Variants in MFSD11 observed in about 807,000 individuals in gnomAD.
The protein encoded by MFSD11 is major facilitator superfamily domain containing 11.
Under a neutral mutation model 53.5 loss-of-function variants are expected in MFSD11, and 36 were observed. The observed-to-expected ratio is 0.67, with a 90% CI of 0.52 to 0.89. The LOEUF is 0.89. Among genes scored for constraint, MFSD11 ranks in the 40% least tolerant of loss-of-function variants. The pLI is 0.00. For missense variants in MFSD11, 530 were observed against 543.9 expected (o/e 0.97, Z 0.25); for synonymous variants, 186 against 184.9 (o/e 1.01, Z -0.05).
upstream of MFSD11, chr17:76,738,113 G>C (rs2077673858): frequency 2.0e-6 from 1 of 507,542 alleles, no homozygotes; most frequent in Non-Finnish European, 3.5e-6. Flanking sequence ...CGCTTCTCCG[G>C]GGGTTGTGCT....
At chr17:76,753,292 C>T (rs971075233) in intron 7 of MFSD11, among the ~76,000 whole-genome samples, 2 of 152,162 alleles carry the variant, frequency 1.3e-5, no homozygotes, top group African/African-American at 4.8e-5. Flanking sequence ...TAACAAAAGT[C>T]TCTGACGGGT....
chr17:76,786,395 G>A (rs1377199848), downstream of MFSD11, among the ~76,000 whole-genome samples: 1 of 152,090 alleles, frequency 6.6e-6, no homozygotes, highest in Non-Finnish European at 1.5e-5. Flanking sequence ...GCCCGCCTCG[G>A]CCTCCCAAAG....
intron 9 of MFSD11, among the ~76,000 whole-genome samples, chr17:76,768,115 C>G (rs1322112905): frequency 6.6e-6 from 1 of 152,026 alleles, no homozygotes; most frequent in Non-Finnish European, 1.5e-5. Context: ...CCAGCCTGGG[C>G]AACATGGCAA....
intron 4 of MFSD11, 57 bp downstream of exon 4, chr17:76,742,105 A>G (rs758977847): frequency 9.9e-6 from 16 of 1,613,560 alleles, no homozygotes; most frequent in Non-Finnish European, 1.4e-5. Flanking sequence ...ATCTAAGGGT[A>G]TTATTTATGT....
At chr17:76,738,709 C>T (rs756969769) in intron 1 of MFSD11, among the ~76,000 whole-genome samples, 1 of 152,152 alleles carries the variant, frequency 6.6e-6, no homozygotes, top group East Asian at 1.9e-4. Flanking sequence ...CTGTATTAAG[C>T]GCTTCCTTAG....
At chr17:76,786,731 C>T in the MFSD11 span, among the ~76,000 whole-genome samples, 1 of 152,234 alleles carries the variant, frequency 6.6e-6, no homozygotes, top group Admixed American at 6.5e-5. Flanking sequence ...AGTCTGGTCA[C>T]ATAGGCAGCC....
chr17:76,767,578 T>C, intron 9 of MFSD11, 127 bp downstream of exon 9: 2 of 621,852 alleles, frequency 3.2e-6, no homozygotes, highest in Non-Finnish European at 5.6e-6. Context: ...CTTCTCATGG[T>C]GTCACTTGGG....
intron 8 of MFSD11, among the ~76,000 whole-genome samples, chr17:76,763,705 G>C (rs1226431274): frequency 1.3e-5 from 2 of 151,426 alleles, no homozygotes; most frequent in East Asian, 3.9e-4. Flanking sequence ...AAACGCTCTA[G>C]GAAAACAAAC....
intron 12 of MFSD11, among the ~76,000 whole-genome samples, chr17:76,777,961 C>G (rs557944275): frequency 6.6e-6 from 1 of 152,208 alleles, no homozygotes; most frequent in East Asian, 1.9e-4. Flanking sequence ...GGCATGAACC[C>G]CCACACCTGG....
At chr17:76,748,819 T>C (rs561234755) in intron 7 of MFSD11, among the ~76,000 whole-genome samples, 2 of 152,244 alleles carry the variant, frequency 1.3e-5, no homozygotes, top group South Asian at 4.2e-4. Flanking sequence ...CTGTATTCTT[T>C]CCTTCCTCTC....
chr17:76,792,610 G>T, the MFSD11 span, among the ~76,000 whole-genome samples: 2 of 151,336 alleles, frequency 1.3e-5, no homozygotes, highest in African/African-American at 4.9e-5. Flanking sequence ...GCCTAAATTT[G>T]TCCATGTCCT....
chr17:76,769,855 C>T lies in MFSD11; in HGVS notation c.858C>T (p.Gly286=), dbSNP rs1289285238. The T allele has an allele frequency of 6.2e-6, 10 of 1,607,042 alleles. No individual in the cohort carries two copies. In the South Asian group the frequency reaches 1.1e-4, roughly 18 times the overall value. The change falls in exon 10 of 13, where the codon GGC becomes GGT. Residue 286 remains glycine (G), a synonymous_variant. Transcript: ENST00000685175. The part of the protein sequence containing the change: ...SLIGLSGIFI[G]IGEILGGSLF... The stretch of plus-strand genomic sequence containing the variant: ...TTGGACTTTCTGGCATTTTCATCGG[C>T]ATTGGAGAAATTTTAGGTTGGTTTT...
At chr17:76,789,434 A>G in the MFSD11 span, among the ~76,000 whole-genome samples, 1 of 149,914 alleles carries the variant, frequency 6.7e-6, no homozygotes, top group African/African-American at 2.4e-5. Flanking sequence ...CTTACCAGTC[A>G]AGCATTCCCA....
At chr17:76,799,592 TG>T in the MFSD11 span, 2 of 152,154 alleles carry the variant, frequency 1.3e-5, no homozygotes, top group Non-Finnish European at 2.9e-5. Context: ...TAGTAGAGAC[TG>T]GGTTTCCTGA....
In MFSD11 at chr17:76,741,972, G is replaced by C; in HGVS notation, c.264G>C (p.Met88Ile). The change falls in exon 4 of 13, where the codon ATG (methionine) becomes ATC (isoleucine). Residue 88 changes from methionine to isoleucine, a missense_variant. Transcript: ENST00000685175. Reference sequence around the variant, plus strand: ...ACCTTGACCTGTTATATTTTAGCATGTACATTGCCGTTTTCATCCAGCCTT... The same window carrying C: ...ACCTTGACCTGTTATATTTTAGCATCTACATTGCCGTTTTCATCCAGCCTT... ...SMFASGLFYSMYIAVFIQPFP... is the reference protein window; with the variant it reads ...SMFASGLFYSIYIAVFIQPFP... 1 of 1,614,092 alleles carries C rather than the reference G, an allele frequency of 6.2e-7. No individual in the cohort carries two copies. The highest frequency in any genetic ancestry group is 8.5e-7 in the Non-Finnish European group (1 of 1,179,980).
chr17:76,763,806 C>G (rs989620293), intron 8 of MFSD11, among the ~76,000 whole-genome samples: 1 of 151,510 alleles, frequency 6.6e-6, no homozygotes, highest in South Asian at 2.1e-4. Flanking sequence ...ATTCCCCCAA[C>G]TTTATCGAGG....
At chr17:76,798,429 A>G in the MFSD11 span, among the ~76,000 whole-genome samples, 3 of 152,282 alleles carry the variant, frequency 2.0e-5, no homozygotes, top group African/African-American at 7.2e-5. Flanking sequence ...TCAGGAGATC[A>G]GTGGGTGGGA....
At chr17:76,796,935 C>T in the MFSD11 span, among the ~76,000 whole-genome samples, 5 of 151,722 alleles carry the variant, frequency 3.3e-5, no homozygotes, top group Non-Finnish European at 5.9e-5. Flanking sequence ...TTTGGGAGGC[C>T]GAGGCAGGCA....
chr17:76,755,800 A>ATATG (rs2079537022), intron 8 of MFSD11, among the ~76,000 whole-genome samples: 1 of 22,062 alleles, frequency 4.5e-5, no homozygotes, highest in African/African-American at 1.3e-4. Context: ...ACATATATAT[A>ATATG]TATATATATA....
Sources: gnomAD v4.1 joint callset for allele counts (sites outside exome capture counted in the v4.1 genomes callset) on GRCh38, gnomAD v4.1.1 for gene constraint, MANE v1.5 for transcripts, NCBI Gene and HGNC (gene_info 2026-07-23, HGNC 2026-07-21) for gene names.